FGGY: variants seen among roughly 807,000 people sequenced by gnomAD.
FGGY encodes the protein FGGY carbohydrate kinase domain-containing protein.
In FGGY, 72 loss-of-function variants were observed where a neutral mutation model predicts 71.3. The ratio of observed to expected loss-of-function variants is 1.01; its 90% CI spans 0.84 to 1.23. The LOEUF (loss-of-function observed/expected upper bound fraction) is 1.23, where lower values mean the gene tolerates loss of function less well. Ranked by LOEUF, FGGY falls within the 50% of genes most tolerant of loss-of-function variation. The pLI is 0.00. For missense variants in FGGY, 668 were observed against 682.3 expected, an observed-to-expected ratio of 0.98 and a Z score of 0.23; for synonymous variants, 251 against 250.3, an observed-to-expected ratio of 1.00 and a Z score of -0.02.
chr1:59,695,203 A>G (rs991834826), intron 14 of FGGY, among the ~76,000 whole-genome samples: 5 of 152,210 alleles, frequency 3.3e-5, no homozygotes, highest in African/African-American at 1.2e-4. Flanking sequence ...CTACCCTCTC[A>G]GAGTTCTGGT....
chr1:59,587,682 A>G (rs2096333106), intron 8 of FGGY, among the ~76,000 whole-genome samples: 1 of 152,224 alleles, frequency 6.6e-6, no homozygotes, highest in Non-Finnish European at 1.5e-5. Context: ...TACCCAGGCA[A>G]ACAGGGTCTG....
chr1:59,580,081 A>G (rs572864342), intron 8 of FGGY, among the ~76,000 whole-genome samples: 21 of 152,262 alleles, frequency 1.4e-4, no homozygotes, highest in Non-Finnish European at 2.2e-4. Flanking sequence ...CTCTGCTGTA[A>G]TGTAACCTCA....
At position 59,687,352 on chromosome 1, in the gene FGGY, G is replaced by C. The variant is rs576693769; in HGVS notation, c.1512+13219G>C. ...TGTTCCTGGCTCTAGTCACACCACT[G>C]CCTCCTGTCATCCCTTGATTCCTAA... On this transcript the variant is annotated intron_variant, in intron 14 of 15. Transcript: ENST00000303721. 2.0e-5 allele frequency among the ~76,000 whole-genome samples: 3 copies of C among 152,280 alleles called. No homozygotes were observed. The South Asian group carries it at 6.2e-4, about 32-fold the overall frequency.
chr1:59,658,918 G>A (rs190763192), intron 11 of FGGY, among the ~76,000 whole-genome samples: 1 of 152,202 alleles, frequency 6.6e-6, no homozygotes, highest in Non-Finnish European at 1.5e-5. Flanking sequence ...GAAGACAGGG[G>A]AGGTCAAGAA....
At chr1:59,351,811 T>C (rs1478083178) in intron 4 of FGGY, among the ~76,000 whole-genome samples, 1 of 152,174 alleles carries the variant, frequency 6.6e-6, no homozygotes, top group African/African-American at 2.4e-5. Context: ...GAGCCAGAGC[T>C]GACCACTCAC....
chr1:59,407,631 T>G (rs1349570487), intron 5 of FGGY, among the ~76,000 whole-genome samples: 1 of 152,216 alleles, frequency 6.6e-6, no homozygotes, highest in African/African-American at 2.4e-5. Context: ...TAATTTTTTC[T>G]GGCCTCTTTC....
At chr1:59,498,153 T>C (rs927848339) in intron 6 of FGGY, among the ~76,000 whole-genome samples, 24 of 152,346 alleles carry the variant, frequency 1.6e-4, no homozygotes, top group African/African-American at 5.3e-4. Flanking sequence ...TAGTGCTTAC[T>C]ATGTACCAGA....
intron 7 of FGGY, among the ~76,000 whole-genome samples, chr1:59,519,145 C>A (rs530390894): frequency 6.6e-6 from 1 of 152,186 alleles, no homozygotes; most frequent in Non-Finnish European, 1.5e-5. Flanking sequence ...ATGAGAGATG[C>A]GTGACTTAAG....
chr1:59,393,035 G>C (rs2060884953), intron 5 of FGGY, among the ~76,000 whole-genome samples: 1 of 152,114 alleles, frequency 6.6e-6, no homozygotes, highest in Admixed American at 6.5e-5. Context: ...CATCTTCCTG[G>C]TTTTGTTACA....
intron 5 of FGGY, among the ~76,000 whole-genome samples, chr1:59,448,108 A>G (rs997582821): frequency 1.3e-5 from 2 of 151,648 alleles, no homozygotes; most frequent in African/African-American, 2.4e-5. Flanking sequence ...TTTAGGTTTT[A>G]CCTTTCTCAA....
At chr1:59,652,832 C>T (rs936610182) in intron 11 of FGGY, among the ~76,000 whole-genome samples, 7 of 152,176 alleles carry the variant, frequency 4.6e-5, no homozygotes, top group East Asian at 1.9e-4. Context: ...AGACGCTCTG[C>T]GTTTTAGATT....
At chr1:59,619,958 A>T (rs1387027372) in intron 9 of FGGY, among the ~76,000 whole-genome samples, 5 of 151,992 alleles carry the variant, frequency 3.3e-5, no homozygotes, top group African/African-American at 9.7e-5. Context: ...GCCACCTTCA[A>T]ACCTTGACCT....
intron 7 of FGGY, among the ~76,000 whole-genome samples, chr1:59,519,949 A>G (rs2094778006): frequency 6.6e-6 from 1 of 152,174 alleles, no homozygotes; most frequent in Non-Finnish European, 1.5e-5. Flanking sequence ...ACATTTGGCA[A>G]TGTCTGGGGA....
intron 2 of FGGY, among the ~76,000 whole-genome samples, chr1:59,325,415 C>T (rs1309840505): frequency 6.6e-6 from 1 of 151,580 alleles, no homozygotes; most frequent in African/African-American, 2.4e-5. Context: ...TTCCTGTCTC[C>T]TGAGTGTCTT....
chr1:59,374,763 A>G lies in FGGY; in HGVS notation c.466-3986A>G, dbSNP rs1486515663. ...TTCACATCATGTCCTTTGTAGGGGC[A>G]TGGATGAAATTGGAAATCATCATTC... On this transcript the variant is annotated intron_variant, in intron 4 of 15. Coordinates refer to ENST00000303721, the MANE Select transcript of FGGY (RefSeq NM_018291.5). Among the ~76,000 whole-genome samples the G allele has an allele frequency of 3.9e-5, 6 of 152,206 alleles. No individual in the cohort carries two copies. The South Asian group carries it at 1.2e-3, about 32-fold the overall frequency.
chr1:59,338,579 T>G (rs934300113), intron 2 of FGGY, among the ~76,000 whole-genome samples: 6 of 152,110 alleles, frequency 3.9e-5, no homozygotes, highest in Non-Finnish European at 7.4e-5. Flanking sequence ...AAAATGGTGG[T>G]TTTTGATAGT....
rs2304749 is a variant in FGGY at position 59,638,431 on chromosome 1, T to A, written c.1221+56T>A. 380 of 1,585,608 alleles carry A rather than the reference T, an allele frequency of 2.4e-4. 4 individuals are homozygous for A. The East Asian group carries it at 8.4e-3, about 35-fold the overall frequency. On this transcript the variant is annotated intron_variant, in intron 11 of 15. Coordinates refer to ENST00000303721, the MANE Select transcript of FGGY (RefSeq NM_018291.5). ...GAAGGCAGGCCAAAGGGCTACAAAG[T>A]TTGGAAGAAGCAAAGTGAGGAAAAA... is the stretch of plus-strand genomic sequence containing the variant.
At chr1:59,654,801 T>A (rs922763231) in intron 11 of FGGY, among the ~76,000 whole-genome samples, 2 of 152,134 alleles carry the variant, frequency 1.3e-5, no homozygotes, top group African/African-American at 4.8e-5. Flanking sequence ...TCGACTAGGA[T>A]CCCAGGAAAG....
At chr1:59,460,031 C>G (rs2092041782) in intron 6 of FGGY, among the ~76,000 whole-genome samples, 1 of 152,016 alleles carries the variant, frequency 6.6e-6, no homozygotes, top group Non-Finnish European at 1.5e-5. Flanking sequence ...AAGTGAGAGG[C>G]AGAAATGAAG....
Sources: allele counts gnomAD v4.1 joint callset (sites outside exome capture counted in the v4.1 genomes callset), GRCh38; gene constraint gnomAD v4.1.1; transcripts MANE v1.5; gene names NCBI Gene and HGNC (gene_info 2026-07-23, HGNC 2026-07-21).